SEL1L2: variants seen among roughly 807,000 people sequenced by gnomAD.
The protein encoded by SEL1L2 is protein sel-1 homolog 2.
A neutral mutation model predicts 98.8 loss-of-function variants in SEL1L2; 89 were observed. That is an observed-to-expected ratio of 0.90 (90% CI 0.76 to 1.07). The LOEUF is 1.07. Among genes scored for constraint, SEL1L2 ranks in the 50% least tolerant of loss-of-function variants. The pLI is 0.00. For missense variants in SEL1L2, 788 were observed against 812.0 expected, an observed-to-expected ratio of 0.97 and a Z score of 0.36; for synonymous variants, 262 against 278.5, an observed-to-expected ratio of 0.94 and a Z score of 0.59.
chr20:13,924,400 T>G (rs1261154438), intron 3 of SEL1L2, among the ~76,000 whole-genome samples: 1 of 152,042 alleles, frequency 6.6e-6, no homozygotes, highest in East Asian at 1.9e-4. Context: ...ATTTTTAATT[T>G]GGATGAATAC....
intron 1 of SEL1L2, among the ~76,000 whole-genome samples, chr20:13,984,698 C>T (rs1349476040): frequency 1.3e-5 from 2 of 151,182 alleles, no homozygotes; most frequent in Non-Finnish European, 2.9e-5. Flanking sequence ...CCCCTCCCAT[C>T]ACCCTCCTCT....
chr20:13,956,196 C>T (rs911315370), intron 1 of SEL1L2, 65 bp from the exon 2 acceptor site: 1 of 789,264 alleles, frequency 1.3e-6, no homozygotes, highest in Admixed American at 3.2e-5. Flanking sequence ...TCACTAAATA[C>T]AATTTATTGT....
intron 5 of SEL1L2, among the ~76,000 whole-genome samples, chr20:13,897,941 AACACAC>A: frequency 6.7e-6 from 1 of 150,156 alleles, no homozygotes; most frequent in Non-Finnish European, 1.5e-5. Flanking sequence ...GGCCACTATA[AACACAC>A]ACACACACAC....
At chr20:13,912,691 G>C (rs2048256178) in intron 5 of SEL1L2, among the ~76,000 whole-genome samples, 1 of 152,188 alleles carries the variant, frequency 6.6e-6, no homozygotes, top group South Asian at 2.1e-4. Context: ...GATGCAAGGA[G>C]ATGAGACCCA....
chr20:13,912,249 T>C (rs1381624807), intron 5 of SEL1L2, among the ~76,000 whole-genome samples: 2 of 151,676 alleles, frequency 1.3e-5, no homozygotes, highest in East Asian at 1.9e-4. Flanking sequence ...CACCAGTGTA[T>C]GAAGACAGGT....
intron 5 of SEL1L2, among the ~76,000 whole-genome samples, chr20:13,896,455 G>A (rs552900938): frequency 2.0e-4 from 31 of 151,912 alleles, no homozygotes; most frequent in Non-Finnish European, 3.8e-4. Flanking sequence ...GGGCGACAGA[G>A]TGGGACGCAG....
chr20:13,891,192 GC>G (rs2047189913), intron 5 of SEL1L2, among the ~76,000 whole-genome samples: 1 of 151,666 alleles, frequency 6.6e-6, no homozygotes, highest in Non-Finnish European at 1.5e-5. Flanking sequence ...AACCCGAAGA[GC>G]CCCAAACCAA....
At chr20:13,886,526 T>C in intron 8 of SEL1L2, 84 bp from the exon 9 acceptor site, 1 of 1,078,724 alleles carries the variant, frequency 9.3e-7, no homozygotes. Context: ...CACCGTTAGC[T>C]TATTATCTTA....
At chr20:13,887,223 T>C (rs1008673949) in intron 8 of SEL1L2, among the ~76,000 whole-genome samples, 1 of 152,250 alleles carries the variant, frequency 6.6e-6, no homozygotes, top group Non-Finnish European at 1.5e-5. Context: ...TGAAATGATC[T>C]CATTATATAC....
chr20:13,960,129 A>G (rs940653062), intron 1 of SEL1L2, among the ~76,000 whole-genome samples: 2 of 152,242 alleles, frequency 1.3e-5, no homozygotes, highest in African/African-American at 2.4e-5. Flanking sequence ...AACTAGAAAA[A>G]GCAATGTGAT....
chr20:13,989,363 C>G (rs187168089), intron 1 of SEL1L2, among the ~76,000 whole-genome samples: 1 of 151,966 alleles, frequency 6.6e-6, no homozygotes, highest in South Asian at 2.1e-4. Flanking sequence ...CTAATAGTTT[C>G]GTAGTTGATT....
At chr20:13,861,162 A>G (rs949079726) in intron 17 of SEL1L2, among the ~76,000 whole-genome samples, 1 of 151,952 alleles carries the variant, frequency 6.6e-6, no homozygotes, top group Non-Finnish European at 1.5e-5. Context: ...AGCCAGGATG[A>G]TCTTTTTTTT....
intron 1 of SEL1L2, among the ~76,000 whole-genome samples, chr20:13,961,513 A>G (rs1224409835): frequency 6.6e-6 from 1 of 152,180 alleles, no homozygotes; most frequent in Non-Finnish European, 1.5e-5. Context: ...GGATTCATAG[A>G]AGACTTATAA....
chr20:13,873,911 A>C (rs1268624072), intron 12 of SEL1L2, among the ~76,000 whole-genome samples: 1 of 152,052 alleles, frequency 6.6e-6, no homozygotes, highest in Non-Finnish European at 1.5e-5. Flanking sequence ...ACAGGAGGGG[A>C]GAAGCCACAG....
intron 5 of SEL1L2, among the ~76,000 whole-genome samples, chr20:13,904,169 T>C (rs1413187317): frequency 6.6e-6 from 1 of 152,208 alleles, no homozygotes; most frequent in Non-Finnish European, 1.5e-5. Context: ...ACATTATAGC[T>C]CTAACATGCA....
intron 1 of SEL1L2, among the ~76,000 whole-genome samples, chr20:13,963,664 T>C (rs1349127743): frequency 6.6e-6 from 1 of 151,820 alleles, no homozygotes; most frequent in Non-Finnish European, 1.5e-5. Context: ...TGCAGTGAGC[T>C]GAGATTGAAC....
intron 17 of SEL1L2, among the ~76,000 whole-genome samples, chr20:13,863,115 C>A (rs949972440): frequency 3.3e-5 from 5 of 152,088 alleles, no homozygotes; most frequent in African/African-American, 1.2e-4. Flanking sequence ...AGAAAAGAGG[C>A]CCAAGGGAGT....
intron 14 of SEL1L2, among the ~76,000 whole-genome samples, 184 bp downstream of exon 14, chr20:13,869,319 C>T (rs190027557): frequency 1.9e-4 from 29 of 152,316 alleles, no homozygotes; most frequent in African/African-American, 6.7e-4. Flanking sequence ...TGACTCTGCA[C>T]CTCCTTGTCC....
chr20:13,890,178 C>T (rs1049534863), intron 5 of SEL1L2, among the ~76,000 whole-genome samples: 2 of 152,178 alleles, frequency 1.3e-5, no homozygotes, highest in African/African-American at 2.4e-5. Flanking sequence ...ACAGTTTCTA[C>T]CTTGGGAGGG....
Sources: gnomAD v4.1 joint callset for allele counts (sites outside exome capture counted in the v4.1 genomes callset) on GRCh38, gnomAD v4.1.1 for gene constraint, MANE v1.5 for transcripts, NCBI Gene and HGNC (gene_info 2026-07-23, HGNC 2026-07-21) for gene names.